Variants in TGM1 observed in about 807,000 individuals in gnomAD.
The protein encoded by TGM1 is protein-glutamine gamma-glutamyltransferase K.
In TGM1, 63 loss-of-function variants were observed where a neutral mutation model predicts 88.7. The ratio of observed to expected loss-of-function variants is 0.71; its 90% CI spans 0.58 to 0.88. The LOEUF (loss-of-function observed/expected upper bound fraction) is 0.88. Ranked by LOEUF, TGM1 falls within the 40% of genes least tolerant of loss-of-function variation. The pLI, the probability that TGM1 is intolerant of heterozygous loss-of-function variation, is 0.00. For synonymous variants in TGM1, 415 were observed against 431.1 expected (o/e 0.96, Z 0.46); for missense variants, 996 against 1,118.0 (o/e 0.89, Z 1.56).
At position 24,255,408 on chromosome 14, in the gene TGM1, G is replaced by C; in HGVS notation, c.1601C>G (p.Ser534Cys). 1 of 1,614,148 alleles carries C rather than the reference G, an allele frequency of 6.2e-7. No homozygotes were observed. The highest frequency in any genetic ancestry group is 1.7e-5 in the Admixed American group (1 of 60,018). ...GTAGGTGATGTCCTCCCGCATGTTG[G>C]AGCTGATGGCCTTTGTGACAATGAG... is the stretch of plus-strand genomic sequence containing the variant. ...GTLIVTKAIS[S>C]NMREDITYLY... The change falls in exon 11 of 15, where the codon TCC becomes TGC. Residue 534 changes from serine to cysteine, a missense_variant. Coordinates refer to ENST00000206765, the MANE Select transcript of TGM1 (RefSeq NM_000359.3). The surrounding 1 kb of genome is among the most constrained non-coding windows in gnomAD (Gnocchi z 4.0).
chr14:24,259,748 C>A lies in TGM1; in HGVS notation c.940G>T (p.Gly314Cys). ...GAGACATTGACTGGGTCTCCACGGC[C>A]TCCATATGGCATCCCCCGCCGGTCC... ...ILDRRGMPYG[G>C]RGDPVNVSRV... The change falls in exon 6 of 15, where the codon GGC becomes TGC. Residue 314 changes from glycine to cysteine, a missense_variant. Transcript: ENST00000206765. This position sits in a 1 kb window ranked among gnomAD's most constrained non-coding sequence, Gnocchi z 5.7. 6.2e-7 allele frequency: 1 copy of A among 1,612,510 alleles called. No individual in the cohort carries two copies. Among genetic ancestry groups the A allele is most frequent in the Non-Finnish European group, 8.5e-7 (1 of 1,179,554 alleles).
rs2139026006 is a variant in TGM1, at chr14:24,260,493, G to A, written c.714C>T (p.Asp238=). 1 of 1,613,978 alleles carries A rather than the reference G, an allele frequency of 6.2e-7. No individual in the cohort carries two copies. The highest frequency in any genetic ancestry group is 1.1e-5 in the South Asian group (1 of 91,066). ...AGAGGATGTAGATCTCATTGCGGGG[G>A]TCAAAGGGCAACTGGAACTCCCCAG... ...SDAGEFQLPF[D]PRNEIYILFN... is the part of the protein sequence containing the mutation. Residue 238 remains aspartate (D), a synonymous_variant, in exon 4 of 15, where the codon GAC becomes GAT. Coordinates refer to ENST00000206765, the MANE Select transcript of TGM1 (RefSeq NM_000359.3).
In TGM1 at chr14:24,259,954, A is replaced by G. The variant is rs1247223599; in HGVS notation, c.862T>C (p.Trp288Arg). 6.2e-7 allele frequency: 1 copy of G among 1,614,118 alleles called. No homozygotes were observed. Among genetic ancestry groups the G allele is most frequent in the Non-Finnish European group, 8.5e-7 (1 of 1,179,996 alleles). ...GTEAQIGERT[W>R]NYGQFDHGVL... ...CCGCACCATACCTGGCCGTAGTTCC[A>G]GGTCCGCTCACCAATCTGTGCTTCG... Residue 288 changes from tryptophan (W) to arginine (R), a missense_variant, in exon 5 of 15, where the codon TGG becomes CGG. Transcript: ENST00000206765. This position sits in a 1 kb window ranked among gnomAD's most constrained non-coding sequence, Gnocchi z 5.7.
Position 24,256,005 on chromosome 14 carries a change from G to A in TGM1, c.1475C>T (p.Pro492Leu). 7 of 1,564,698 alleles carry A rather than the reference G, an allele frequency of 4.5e-6. No homozygotes were observed. Among genetic ancestry groups the A allele is most frequent in the Non-Finnish European group, 6.1e-6 (7 of 1,153,380 alleles). ...AGCCCTCACCTCAGCAAAAATGAAAGGCGTGTCGTACTTCATGTAGACCAG... is the reference window on the plus strand; with the variant it reads ...AGCCCTCACCTCAGCAAAAATGAAAAGCGTGTCGTACTTCATGTAGACCAG... ...NGLVYMKYDTPFIFAEVNSDK... is the reference protein window; with the variant it reads ...NGLVYMKYDTLFIFAEVNSDK... The change falls in exon 10 of 15, where the codon CCT (proline) becomes CTT (leucine). Residue 492 changes from proline to leucine, a missense_variant. Physicochemically the swap from Pro to Leu is moderately conservative, Grantham distance 98. Coordinates refer to ENST00000206765, the MANE Select transcript of TGM1 (RefSeq NM_000359.3).
chr14:24,258,815 G>T, intron 7 of TGM1, 142 bp from the exon 8 acceptor site: 1 of 1,315,804 alleles, frequency 7.6e-7, no homozygotes, highest in Non-Finnish European at 1.0e-6. Flanking sequence ...GGGGCCACAA[G>T]GCCTTTGGGC....
rs752333115 is a variant in TGM1 at position 24,249,424 on chromosome 14, G to A, written c.2343C>T (p.Val781=). Residue 781 remains valine, a synonymous_variant, in exon 15 of 15, where the codon GTC becomes GTT. Coordinates refer to ENST00000206765, the MANE Select transcript of TGM1 (RefSeq NM_000359.3). ...DSPQLSQVHG[V]IQVDVAPAPG... is the part of the protein sequence containing the mutation. ...GGGCTGGGGCCACATCCACCTGGAT[G>A]ACACCGTGCACCTGGGAGAGCTGTG... is the stretch of plus-strand genomic sequence containing the variant. 33 of 1,613,940 alleles carry A rather than the reference G, an allele frequency of 2.0e-5. 1 individual carries two copies. The Middle Eastern group carries it at 6.6e-4, about 32-fold the overall frequency.
intron 1 of TGM1, among the ~76,000 whole-genome samples, chr14:24,262,810 T>C (rs1370451922): frequency 6.6e-6 from 1 of 152,184 alleles, no homozygotes; most frequent in African/African-American, 2.4e-5. Context: ...ATCCCCCAAC[T>C]CAAGGTTCCT....
intron 14 of TGM1, among the ~76,000 whole-genome samples, chr14:24,250,285 C>T (rs1219599896): frequency 1.3e-5 from 2 of 152,046 alleles, no homozygotes; most frequent in African/African-American, 4.8e-5. Context: ...TCCCAGACCT[C>T]CCCTGGGAAT....
rs750749582 is a variant in TGM1, at chr14:24,258,747, G to GGCTC, written c.1160-75_1160-74insGAGC. The GGCTC allele has an allele frequency of 6.9e-6, 11 of 1,592,850 alleles. No individual in the cohort carries two copies. In the East Asian group the frequency reaches 1.8e-4, roughly 26 times the overall value. ...GAGGCATCGTGTCAGGAGTATCAGG[G>GGCTC]GGAGAAGGGCAACTAGGATTGCCAA... is the stretch of plus-strand genomic sequence containing the variant. On this transcript the variant is annotated intron_variant, in intron 7 of 14. Coordinates refer to ENST00000206765, the MANE Select transcript of TGM1 (RefSeq NM_000359.3).
At position 24,259,623 on chromosome 14, in the gene TGM1, A is replaced by C; in HGVS notation, c.984+81T>G. 1 of 1,230,178 alleles carries C rather than the reference A, an allele frequency of 8.1e-7. No homozygotes were observed. The highest frequency in any genetic ancestry group is 1.2e-6 in the Non-Finnish European group (1 of 856,462). 76.2% of individuals were successfully genotyped at this position (1,230,178 alleles called of 1,614,324 possible). Reference sequence around the variant, plus strand: ...AGGGCTGGGGGTTCTTGAGGAATCCAGAAAGGGCAGGAGGAGGGTGGGGGT... The same window carrying C: ...AGGGCTGGGGGTTCTTGAGGAATCCCGAAAGGGCAGGAGGAGGGTGGGGGT... On this transcript the variant is annotated intron_variant, in intron 6 of 14. Coordinates refer to ENST00000206765, the MANE Select transcript of TGM1 (RefSeq NM_000359.3). This position sits in a 1 kb window ranked among gnomAD's most constrained non-coding sequence, Gnocchi z 5.7.
At position 24,249,321 on chromosome 14, in the gene TGM1, C is replaced by T. The variant is rs1304866276; in HGVS notation, c.2446G>A (p.Gly816Arg). The T allele has an allele frequency of 6.2e-7, 1 of 1,613,308 alleles. No individual in the cohort carries two copies. The highest frequency in any genetic ancestry group is 8.5e-7 in the Non-Finnish European group (1 of 1,179,944). ...GETIPMASRG[G>R]A is the part of the protein sequence containing the mutation. Reference sequence around the variant, plus strand: ...TTGCTCCTGGCACGGGGCTAAGCTCCACCTCGAGATGCCATAGGGATGGTC... The same window carrying T: ...TTGCTCCTGGCACGGGGCTAAGCTCTACCTCGAGATGCCATAGGGATGGTC... The change falls in exon 15 of 15, where the codon GGA becomes AGA. Residue 816 changes from glycine to arginine, a missense_variant. Gly to Arg is a moderately radical substitution (Grantham distance 125). Transcript: ENST00000206765.
rs759790259 is a variant in TGM1 at position 24,255,949 on chromosome 14, T to C, written c.1491+40A>G. 1 of 1,507,946 alleles carries C rather than the reference T, an allele frequency of 6.6e-7. No individual in the cohort carries two copies. Among genetic ancestry groups the C allele is most frequent in the South Asian group, 1.2e-5 (1 of 83,194 alleles). The allele number at this position is 1,507,946 out of a possible 1,614,324, so 93.4% of individuals were successfully genotyped here. On this transcript the variant is annotated intron_variant, in intron 10 of 14. Transcript: ENST00000206765. This position sits in a 1 kb window ranked among gnomAD's most constrained non-coding sequence, Gnocchi z 4.0. ...GGTGAAGTTGGGACCAGAGAACCCATGACTGAAGCCCAAGAAGGCACCTGG... is the reference window on the plus strand; with the variant it reads ...GGTGAAGTTGGGACCAGAGAACCCACGACTGAAGCCCAAGAAGGCACCTGG...
intron 14 of TGM1, among the ~76,000 whole-genome samples, chr14:24,250,662 C>G (rs1425341189): frequency 6.6e-6 from 1 of 152,230 alleles, no homozygotes. Flanking sequence ...AGGCCTGGCA[C>G]ACCACTTCCT....
rs1195781727 is a variant in TGM1 at position 24,259,862 on chromosome 14, AC to A, written c.877-52del. The A allele has an allele frequency of 1.2e-6, 2 of 1,609,102 alleles. No individual in the cohort carries two copies. The highest frequency in any genetic ancestry group is 1.7e-6 in the Non-Finnish European group (2 of 1,176,560). On this transcript the variant is annotated intron_variant, in intron 5 of 14. Coordinates refer to ENST00000206765, the MANE Select transcript of TGM1 (RefSeq NM_000359.3). This position sits in a 1 kb window ranked among gnomAD's most constrained non-coding sequence, Gnocchi z 5.7. ...GTGACAGCCTGAACCCTAGGCCAGC[AC>A]CCTGCTCCAATACCCCAGCCCCCAC...
In TGM1 at chr14:24,259,113, T is replaced by C. The variant is rs2040782954; in HGVS notation, c.1121A>G (p.Tyr374Cys). ...SYLRTGYSVP[Y>C]GQCWVFAGVT... ...GCCAGCAAAGACCCAGCACTGGCCA[T>C]AGGGGACGGAATATCCCGTGCGTAG... Residue 374 changes from tyrosine (Y) to cysteine (C), a missense_variant, in exon 7 of 15, where the codon TAT becomes TGT. Transcript: ENST00000206765. This position sits in a 1 kb window ranked among gnomAD's most constrained non-coding sequence, Gnocchi z 5.7. 11 of 1,614,012 alleles carry C rather than the reference T, an allele frequency of 6.8e-6. No individual in the cohort carries two copies. Among genetic ancestry groups the C allele is most frequent in the South Asian group, 1.1e-5 (1 of 91,088 alleles).
intron 14 of TGM1, among the ~76,000 whole-genome samples, chr14:24,251,907 T>C (rs2040704208): frequency 6.6e-6 from 1 of 152,228 alleles, no homozygotes; most frequent in Admixed American, 6.5e-5. Context: ...GACTGACCAC[T>C]CTGAGGACAT....
At position 24,261,731 on chromosome 14, in the gene TGM1, C is replaced by G. The variant is rs765510569; in HGVS notation, c.472G>C (p.Glu158Gln). ...HMLLLLSRTY[E>Q]SSDRITLELL... ...TCAAGGGTGATGCGATCAGAGGATT[C>G]ATAGGTCCGGGACAGGAGGAGGAGC... Residue 158 changes from glutamate to glutamine, a missense_variant, in exon 3 of 15, where the codon GAA (glutamate) becomes CAA (glutamine). By Grantham distance (29) the Glu-to-Gln change is conservative. Coordinates refer to ENST00000206765, the MANE Select transcript of TGM1 (RefSeq NM_000359.3). 4 of 1,614,146 alleles carry G rather than the reference C, an allele frequency of 2.5e-6. No individual in the cohort carries two copies. The highest frequency in any genetic ancestry group is 1.6e-4 in the Middle Eastern group (1 of 6,062).
At chr14:24,260,095 G>C in intron 4 of TGM1, 37 bp from the exon 5 acceptor site, 1 of 1,579,472 alleles carries the variant, frequency 6.3e-7, no homozygotes, top group Non-Finnish European at 8.7e-7. Flanking sequence ...GTTCCCTCCA[G>C]TTCTCTCCCT....
intron 14 of TGM1, 154 bp downstream of exon 14, chr14:24,253,998 G>A: frequency 9.8e-7 from 1 of 1,023,624 alleles, no homozygotes; most frequent in Non-Finnish European, 1.5e-6. Context: ...GGACTGAGCT[G>A]GGCCGGGAGG....
Sources: gnomAD v4.1 joint callset for allele counts (sites outside exome capture counted in the v4.1 genomes callset) on GRCh38, gnomAD v4.1.1 for gene constraint, Gnocchi (gnomAD v3.1) non-coding constraint, MANE v1.5 for transcripts, NCBI Gene and HGNC (gene_info 2026-07-23, HGNC 2026-07-21) for gene names.